RANBP17: variants seen among roughly 807,000 people sequenced by gnomAD.
The protein encoded by RANBP17 is RAN binding protein 17.
A neutral mutation model predicts 141.2 loss-of-function variants in RANBP17; 158 were observed. That is an observed-to-expected ratio of 1.12 (90% CI 0.98 to 1.28). RANBP17 has a LOEUF of 1.28. Ranked by LOEUF, RANBP17 falls within the 50% of genes most tolerant of loss-of-function variation. The probability of loss-of-function intolerance (pLI) is 0.00; values close to 1 mark genes in which losing one functional copy is unlikely to be tolerated. For synonymous variants in RANBP17, 430 were observed against 450.0 expected (o/e 0.96, Z 0.56); for missense variants, 1,438 against 1,290.7 (o/e 1.11, Z -1.75).
intron 14 of RANBP17, among the ~76,000 whole-genome samples, chr5:171,047,495 G>A (rs1782672845): frequency 6.9e-6 from 1 of 145,070 alleles, no homozygotes; most frequent in African/African-American, 2.5e-5. Flanking sequence ...GGAGTGCAGT[G>A]GTGCGATCTC....
intron 11 of RANBP17, among the ~76,000 whole-genome samples, chr5:170,921,427 G>A (rs1382310753): frequency 6.6e-6 from 1 of 151,872 alleles, no homozygotes; most frequent in Admixed American, 6.6e-5. Context: ...TGAGGCCTCT[G>A]TTCTGTTCCA....
Position 171,265,742 on chromosome 5 carries a change from G to A in RANBP17, c.2838G>A (p.Lys946=), listed in dbSNP as rs1430537634. The change falls in exon 25 of 28, where the codon AAG becomes AAA. Residue 946 remains lysine (K), a synonymous_variant. Transcript: ENST00000523189. The part of the protein sequence containing the change: ...SLDYIVTYLF[K]HIAKEGKKPL... ...ACTACATCGTCACCTACCTCTTCAA[G>A]CACATAGCAAAAGAGGGCAAGAAGC... 6.2e-7 allele frequency: 1 copy of A among 1,614,032 alleles called. No individual in the cohort carries two copies. Among genetic ancestry groups the A allele is most frequent in the Non-Finnish European group, 8.5e-7 (1 of 1,179,936 alleles).
At chr5:170,926,321 C>T (rs902604647) in intron 12 of RANBP17, among the ~76,000 whole-genome samples, 2 of 151,890 alleles carry the variant, frequency 1.3e-5, no homozygotes, top group Admixed American at 6.6e-5. Flanking sequence ...GCCAGCAGCT[C>T]GTATTATTAT....
At chr5:170,969,378 A>G (rs1185392244) in intron 14 of RANBP17, among the ~76,000 whole-genome samples, 1 of 151,928 alleles carries the variant, frequency 6.6e-6, no homozygotes, top group Non-Finnish European at 1.5e-5. Context: ...GTAGCTAGAA[A>G]TAAATGTTTT....
intron 14 of RANBP17, among the ~76,000 whole-genome samples, chr5:170,969,051 T>C (rs1270381350): frequency 6.6e-6 from 1 of 151,798 alleles, no homozygotes; most frequent in Non-Finnish European, 1.5e-5. Flanking sequence ...TTTAGTGATG[T>C]TGTAGGATTT....
chr5:170,914,351 A>T, intron 8 of RANBP17, 111 bp downstream of exon 8: 1 of 700,314 alleles, frequency 1.4e-6, no homozygotes, highest in Non-Finnish European at 2.4e-6. Context: ...TACTTTTCAC[A>T]GTAAGTTCTT....
Position 171,170,053 on chromosome 5 carries a change from T to A in RANBP17, c.1711-77T>A, listed in dbSNP as rs540779764. ...GGATACCACAGTGCATTAAATCTTATGTTTGTTCAATTCGAATAGTCTTTT... is the reference window on the plus strand; with the variant it reads ...GGATACCACAGTGCATTAAATCTTAAGTTTGTTCAATTCGAATAGTCTTTT... On this transcript the variant is annotated intron_variant, in intron 14 of 27. Coordinates refer to ENST00000523189, the MANE Select transcript of RANBP17 (RefSeq NM_022897.5). The A allele has an allele frequency of 7.7e-4, 586 of 757,880 alleles. 8 individuals are homozygous for A. In the South Asian group the frequency reaches 9.1e-3, roughly 12 times the overall value. 46.9% of individuals were successfully genotyped at this position (757,880 alleles called of 1,614,324 possible). A position where few individuals can be genotyped will look rare whatever the true frequency, so the allele number is the denominator to read the frequency against.
At chr5:171,257,977 T>C (rs1179735267) in intron 24 of RANBP17, among the ~76,000 whole-genome samples, 3 of 151,880 alleles carry the variant, frequency 2.0e-5, no homozygotes, top group Admixed American at 6.6e-5. Context: ...TGGTGGCACA[T>C]GCCTGTTAAT....
At chr5:171,075,655 C>T (rs1378774251) in intron 14 of RANBP17, among the ~76,000 whole-genome samples, 1 of 152,074 alleles carries the variant, frequency 6.6e-6, no homozygotes, top group African/African-American at 2.4e-5. Flanking sequence ...CTAAAAGTCA[C>T]TGAATAAACA....
At chr5:171,174,873 C>T (rs1311921739) in intron 16 of RANBP17, among the ~76,000 whole-genome samples, 4 of 151,648 alleles carry the variant, frequency 2.6e-5, no homozygotes, top group Non-Finnish European at 5.9e-5. Flanking sequence ...CATAGGTACA[C>T]GCGTGCCATG....
rs141916688 is a variant in RANBP17, at chr5:171,195,626, C to T, written c.2039-4044C>T. ...CACTCTCTTCTGACTTCATGCAGCT[C>T]CAAATTTAGGATTCTGTGACAATAA... is the stretch of plus-strand genomic sequence containing the variant. On this transcript the variant is annotated intron_variant, in intron 18 of 27. Transcript: ENST00000523189. Among the ~76,000 whole-genome samples the T allele has an allele frequency of 2.0e-3, 307 of 152,294 alleles. 1 individual carries two copies. The highest frequency in any genetic ancestry group is 3.3e-3 in the Non-Finnish European group (223 of 68,022).
At chr5:170,908,563 A>T (rs1465336595) in intron 5 of RANBP17, among the ~76,000 whole-genome samples, 1 of 151,216 alleles carries the variant, frequency 6.6e-6, no homozygotes, top group Non-Finnish European at 1.5e-5. Context: ...CTTTTGGGTG[A>T]CAGGATCATT....
At chr5:171,037,862 CT>C (rs1370875248) in intron 14 of RANBP17, among the ~76,000 whole-genome samples, 1 of 152,014 alleles carries the variant, frequency 6.6e-6, no homozygotes, top group Non-Finnish European at 1.5e-5. Context: ...TGATGAATGC[CT>C]CCAGATTTGT....
chr5:170,959,864 G>A (rs1284367780), intron 13 of RANBP17, among the ~76,000 whole-genome samples: 1 of 152,146 alleles, frequency 6.6e-6, no homozygotes, highest in East Asian at 1.9e-4. Context: ...AGCTGAGAAG[G>A]CGAAGTTGGT....
intron 14 of RANBP17, among the ~76,000 whole-genome samples, chr5:171,117,485 C>T (rs1342104312): frequency 6.6e-6 from 1 of 151,848 alleles, no homozygotes; most frequent in African/African-American, 2.4e-5. Context: ...AGATTATTTG[C>T]TCATTTTCTT....
chr5:171,277,506 T>C (rs766157228), intron 25 of RANBP17, among the ~76,000 whole-genome samples: 2 of 150,402 alleles, frequency 1.3e-5, no homozygotes, highest in Non-Finnish European at 3.0e-5. Flanking sequence ...ACATAAGATG[T>C]CGCTATAGAA....
chr5:170,950,003 C>G (rs1460006928), intron 12 of RANBP17, among the ~76,000 whole-genome samples: 1 of 151,972 alleles, frequency 6.6e-6, no homozygotes, highest in African/African-American at 2.4e-5. Context: ...GGAAAGGATA[C>G]CCTCTTTAAT....
At chr5:171,234,904 A>G (rs1369045529) in intron 22 of RANBP17, among the ~76,000 whole-genome samples, 1 of 152,232 alleles carries the variant, frequency 6.6e-6, no homozygotes, top group African/African-American at 2.4e-5. Context: ...TAAAGCGCAG[A>G]ACTAGGTAAG....
At chr5:171,275,545 G>A (rs531570321) in intron 25 of RANBP17, among the ~76,000 whole-genome samples, 1 of 152,214 alleles carries the variant, frequency 6.6e-6, no homozygotes, top group South Asian at 2.1e-4. Context: ...GCTTTTTCAG[G>A]TTCCCATTTT....
Sources: allele counts gnomAD v4.1 joint callset (sites outside exome capture counted in the v4.1 genomes callset), GRCh38; gene constraint gnomAD v4.1.1; transcripts MANE v1.5; gene names NCBI Gene and HGNC (gene_info 2026-07-23, HGNC 2026-07-21).